WNK2: variants seen among roughly 807,000 people sequenced by gnomAD.
WNK2 encodes the protein serine/threonine-protein kinase WNK2.
In WNK2, 67 loss-of-function variants were observed where a neutral mutation model predicts 192.1. That is an observed-to-expected ratio of 0.35 (90% CI 0.29 to 0.43). The LOEUF (loss-of-function observed/expected upper bound fraction) is 0.43, where lower values mean the gene tolerates loss of function less well. WNK2 is among the 20% of genes least tolerant of loss of function. The pLI, the probability that WNK2 is intolerant of heterozygous loss-of-function variation, is 1.00. For missense variants in WNK2, 2,698 were observed against 3,089.7 expected (o/e 0.87, Z 3.01); for synonymous variants, 1,439 against 1,393.9 (o/e 1.03, Z -0.72).
chr9:93,276,567 A>G (rs1169071035), intron 19 of WNK2, among the ~76,000 whole-genome samples: 1 of 152,248 alleles, frequency 6.6e-6, no homozygotes, highest in Admixed American at 6.5e-5. Context: ...TATAAAAGAA[A>G]AAATGGATAC....
chr9:93,318,248 T>A, intron 29 of WNK2: 1 of 1,497,064 alleles, frequency 6.7e-7, no homozygotes, highest in Non-Finnish European at 8.9e-7. Context: ...GAGATGTGAA[T>A]GGTTTACAAA....
intron 2 of WNK2, among the ~76,000 whole-genome samples, chr9:93,216,553 G>A (rs1358016446): frequency 6.6e-6 from 1 of 152,094 alleles, no homozygotes; most frequent in African/African-American, 2.4e-5. Flanking sequence ...TTGAGCCTGG[G>A]AGGTCGAGGC....
intron 8 of WNK2, among the ~76,000 whole-genome samples, chr9:93,250,766 T>C (rs1588179704): frequency 6.6e-6 from 1 of 151,672 alleles, no homozygotes. Flanking sequence ...AATTGTGTAA[T>C]TAATGAACTC....
At chr9:93,244,821 G>A (rs901742004) in intron 7 of WNK2, among the ~76,000 whole-genome samples, 1 of 152,210 alleles carries the variant, frequency 6.6e-6, no homozygotes, top group Non-Finnish European at 1.5e-5. Flanking sequence ...GTTGGAGCCC[G>A]TTCTCTGAGG....
chr9:93,256,551 T>C, intron 10 of WNK2, 97 bp downstream of exon 10: 1 of 1,342,414 alleles, frequency 7.4e-7, no homozygotes, highest in South Asian at 1.6e-5. Flanking sequence ...CCACAGACCC[T>C]TCGCTCAAAT....
rs1851331466 is a variant in WNK2 at position 93,300,086 on chromosome 9, A to G, written c.6151A>G (p.Thr2051Ala). The G allele has an allele frequency of 1.9e-6, 3 of 1,613,228 alleles. No homozygotes were observed. Among genetic ancestry groups the G allele is most frequent in the Non-Finnish European group, 2.5e-6 (3 of 1,179,730 alleles). The change falls in exon 26 of 30, where the codon ACC becomes GCC. Residue 2051 changes from threonine to alanine, a missense_variant. Thr to Ala is a moderately conservative substitution (Grantham distance 58). Coordinates refer to ENST00000427277, the MANE Select transcript of WNK2 (RefSeq NM_006648.4). The part of the protein sequence containing the change: ...TVYHPTSERV[T>A]YKSSSKPRAR... ...TTACCACCCAACGTCTGAGAGAGTG[A>G]CCTATAAGTCTAGTAGCAAACCTCG...
chr9:93,293,322 CTTTT>C (rs374773480), intron 23 of WNK2, 149 bp downstream of exon 23: 574 of 420,770 alleles, frequency 1.4e-3, no homozygotes, highest in South Asian at 2.7e-3. Context: ...GTGATGAAGG[CTTTT>C]TTTTTTTTTT....
intron 2 of WNK2, among the ~76,000 whole-genome samples, chr9:93,220,296 C>A (rs1381765379): frequency 1.3e-5 from 2 of 152,138 alleles, no homozygotes; most frequent in Non-Finnish European, 2.9e-5. Context: ...TAGGTTCCAC[C>A]CCGTCTCTCT....
chr9:93,281,333 G>A (rs1847702701), intron 19 of WNK2, among the ~76,000 whole-genome samples: 1 of 151,572 alleles, frequency 6.6e-6, no homozygotes, highest in African/African-American at 2.4e-5. Flanking sequence ...AGAAACAAAT[G>A]ACTAGATTGA....
Position 93,288,782 on chromosome 9 carries a change from T to C in WNK2, c.4034-6T>C. ...GGTACAAAGGCATTTTCCCCATTTC[T>C]TCTAGATTCAGCGCCCTATAAAGAC... On this transcript the variant is annotated splice_polypyrimidine_tract_variant and splice_region_variant and intron_variant, in intron 19 of 29. Coordinates refer to ENST00000427277, the MANE Select transcript of WNK2 (RefSeq NM_006648.4). 1 of 1,605,260 alleles carries C rather than the reference T, an allele frequency of 6.2e-7. No individual in the cohort carries two copies. Among genetic ancestry groups the C allele is most frequent in the East Asian group, 2.2e-5 (1 of 44,712 alleles).
At chr9:93,213,336 G>A (rs1464744034) in intron 2 of WNK2, among the ~76,000 whole-genome samples, 2 of 152,024 alleles carry the variant, frequency 1.3e-5, no homozygotes, top group African/African-American at 2.4e-5. Context: ...CATATTTTTT[G>A]GTCATTATTT....
chr9:93,273,601 G>A (rs909540271), intron 19 of WNK2, among the ~76,000 whole-genome samples: 1 of 152,158 alleles, frequency 6.6e-6, no homozygotes, highest in Admixed American at 6.5e-5. Context: ...CAACACTCTC[G>A]ATAGATAGAA....
At chr9:93,318,819 C>T in intron 29 of WNK2, 1 of 1,408,480 alleles carries the variant, frequency 7.1e-7, no homozygotes, top group Admixed American at 2.9e-5. Context: ...GGGCACAACA[C>T]AGCCCTTGGT....
At chr9:93,215,755 A>C (rs1439275478) in intron 2 of WNK2, among the ~76,000 whole-genome samples, 1 of 152,236 alleles carries the variant, frequency 6.6e-6, no homozygotes, top group African/African-American at 2.4e-5. Flanking sequence ...TTAATTTCAC[A>C]CAAATTTTAA....
rs1485158564 is a variant in WNK2 at position 93,262,717 on chromosome 9, G to A, written c.3408G>A (p.Glu1136=). 1.2e-6 allele frequency: 2 copies of A among 1,612,182 alleles called. No homozygotes were observed. Among genetic ancestry groups the A allele is most frequent in the Admixed American group, 1.7e-5 (1 of 60,028 alleles). The change falls in exon 14 of 30, where the codon GAG becomes GAA. Residue 1136 remains glutamate, a splice_region_variant and synonymous_variant. Coordinates refer to ENST00000427277, the MANE Select transcript of WNK2 (RefSeq NM_006648.4). ...DKPPGLPQSC[E]SYGGSDVTSG... ...CGCCCGGCCTCCCGCAGAGCTGTGA[G>A]AGGTAGTGTGGCCCAGCCTCGACCT...
At chr9:93,292,179 C>T in intron 21 of WNK2, 129 bp from the exon 22 acceptor site, 1 of 897,544 alleles carries the variant, frequency 1.1e-6, no homozygotes, top group Non-Finnish European at 1.8e-6. Flanking sequence ...TCCCAGTACC[C>T]ACTTCCATTG....
rs777215040 is a variant in WNK2 at position 93,234,959 on chromosome 9, C to T, written c.1227C>T (p.Val409=). ...ATGCGGCCCAGATCTACCGCAAGGT[C>T]ACCTGTGTGAGTCCACCTGGCCCCT... The part of the protein sequence containing the change: ...CQNAAQIYRK[V]TCGIKPASFE... Residue 409 remains valine, a synonymous_variant, in exon 5 of 30, where the codon GTC becomes GTT. Coordinates refer to ENST00000427277, the MANE Select transcript of WNK2 (RefSeq NM_006648.4). The T allele has an allele frequency of 6.2e-6, 10 of 1,614,080 alleles. No individual in the cohort carries two copies. The Middle Eastern group carries it at 8.2e-4, about 133-fold the overall frequency.
At chr9:93,202,031 C>T (rs1466959467) in intron 2 of WNK2, among the ~76,000 whole-genome samples, 5 of 152,210 alleles carry the variant, frequency 3.3e-5, no homozygotes, top group Admixed American at 3.3e-4. Context: ...GGGTTGCTGG[C>T]TGCGCTGGAG....
chr9:93,184,832 A>T, intron 1 of WNK2, 96 bp from the exon 2 acceptor site: 4 of 1,012,284 alleles, frequency 4.0e-6, no homozygotes, highest in Non-Finnish European at 3.7e-6. Flanking sequence ...GGGGCTGGGC[A>T]GGTTGCGGGC....
Sources: gnomAD v4.1 joint callset for allele counts (sites outside exome capture counted in the v4.1 genomes callset) on GRCh38, gnomAD v4.1.1 for gene constraint, MANE v1.5 for transcripts, NCBI Gene and HGNC (gene_info 2026-07-23, HGNC 2026-07-21) for gene names.